The following CBX2 variants were observed in gnomAD, a reference collection of about 807,000 sequenced individuals.
CBX2 encodes the protein chromobox 2.
In CBX2, 11 loss-of-function variants were observed where a neutral mutation model predicts 21.0. The observed-to-expected ratio is 0.52, with a 90% CI of 0.33 to 0.87. CBX2 has a LOEUF of 0.87. Ranked by LOEUF, CBX2 falls within the 40% of genes least tolerant of loss-of-function variation. CBX2 has a pLI of 0.02. For synonymous variants in CBX2, 364 were observed against 304.6 expected, an observed-to-expected ratio of 1.19 and a Z score of -2.03; for missense variants, 746 against 724.3, an observed-to-expected ratio of 1.03 and a Z score of -0.34.
rs1252110447 is a variant in CBX2 at position 79,787,967 on chromosome 17, A to G, written c.*2925A>G. The G allele has an allele frequency of 6.6e-6, 1 of 152,248 alleles. No homozygotes were observed. Among genetic ancestry groups the G allele is most frequent in the South Asian group, 2.1e-4 (1 of 4,832 alleles). The allele number at this position is 152,248 out of a possible 1,614,324, so 9.4% of individuals were successfully genotyped here. On this transcript the variant is annotated 3_prime_UTR_variant, in exon 5 of 5. Transcript: ENST00000310942. ...TTTTTAATTAAAAAAAAAATCATTC[A>G]TGTATGCCACTTCTAATTGCTTTCA...
rs542158258 is a variant in CBX2, at chr17:79,784,997, G to A, written c.1554G>A (p.Lys518=). 2.2e-5 allele frequency: 35 copies of A among 1,604,916 alleles called. No homozygotes were observed. The East Asian group carries it at 7.1e-4, about 33-fold the overall frequency. ...VTANLITVTV[K]ESPTSVGFFN... ...CCAACCTCATCACCGTCACAGTGAA[G>A]GAGTCTCCCACCAGCGTGGGCTTCT... The change falls in exon 5 of 5, where the codon AAG becomes AAA. Residue 518 remains lysine, a synonymous_variant. Transcript: ENST00000310942. The surrounding 1 kb of genome is among the most constrained non-coding windows in gnomAD (Gnocchi z 5.9).
chr17:79,778,974 C>G lies in CBX2; in HGVS notation c.117-388C>G, dbSNP rs1555829664. 6.6e-6 allele frequency among the ~76,000 whole-genome samples: 1 copy of G among 152,142 alleles called. No individual in the cohort carries two copies. ...ATTGTTCTGGATCTCGGGCTGGGCGCCTGTGCCCCTCCCTGCATGCTGGAC... is the reference window on the plus strand; with the variant it reads ...ATTGTTCTGGATCTCGGGCTGGGCGGCTGTGCCCCTCCCTGCATGCTGGAC... On this transcript the variant is annotated intron_variant, in intron 2 of 4. Transcript: ENST00000310942. This position sits in a 1 kb window ranked among gnomAD's most constrained non-coding sequence, Gnocchi z 4.8.
chr17:79,781,858 G>C, intron 4 of CBX2, 57 bp downstream of exon 4: 1 of 1,614,140 alleles, frequency 6.2e-7, no homozygotes, highest in South Asian at 1.1e-5. Context: ...TTGGCGTAGG[G>C]GGCAGGCAGA....
At chr17:79,779,097 G>T (rs1906964176) in intron 2 of CBX2, among the ~76,000 whole-genome samples, 1 of 152,254 alleles carries the variant, frequency 6.6e-6, no homozygotes, top group Non-Finnish European at 1.5e-5. Flanking sequence ...CCCAGGCAGA[G>T]ACTGTGGGAG....
chr17:79,778,096 GGCGCGGAGCGGCGGTGCGCGT>G (rs1338860437), upstream of CBX2: 5 of 192,614 alleles, frequency 2.6e-5, no homozygotes, highest in Non-Finnish European at 4.6e-5. The surrounding 1 kb of genome is among the most constrained non-coding windows in gnomAD (Gnocchi z 4.8). Flanking sequence ...CCGGGGCGCG[GGCGCGGAGCGGCGGTGCGCGT>G]GCGCGGGGCG....
At position 79,785,287 on chromosome 17, in the gene CBX2, C is replaced by T. The variant is rs1907558222; in HGVS notation, c.*245C>T. On this transcript the variant is annotated 3_prime_UTR_variant, in exon 5 of 5. Coordinates refer to ENST00000310942, the MANE Select transcript of CBX2 (RefSeq NM_005189.3). ...GTTCCTACCTCTGCAGGCCTCTTTG[C>T]TCTCCCCTCTTGCCTCAGGAAACCC... The T allele has an allele frequency of 1.7e-4, 98 of 578,734 alleles. 4 individuals are homozygous for T. In the South Asian group the frequency reaches 1.8e-3, roughly 10 times the overall value. The allele number at this position is 578,734 out of a possible 1,614,324, so 35.8% of individuals were successfully genotyped here.
rs1415426260 is a variant in CBX2 at position 79,778,658 on chromosome 17, G to T, written c.116+231G>T. Among the ~76,000 whole-genome samples, 1 of 151,588 alleles carries T rather than the reference G, an allele frequency of 6.6e-6. No individual in the cohort carries two copies. The highest frequency in any genetic ancestry group is 1.5e-5 in the Non-Finnish European group (1 of 67,796). The stretch of plus-strand genomic sequence containing the variant: ...CAGAGCTGGGCGGCCCCCCGCGCCA[G>T]AACCTCCTCGGCTGCCGCGCCGCGC... On this transcript the variant is annotated intron_variant, in intron 2 of 4. Transcript: ENST00000310942. This position sits in a 1 kb window ranked among gnomAD's most constrained non-coding sequence, Gnocchi z 4.8.
rs1555829444 is a variant in CBX2 at position 79,778,390 on chromosome 17, C to T, written c.79C>T (p.Leu27=). 1.3e-6 allele frequency: 2 copies of T among 1,579,242 alleles called. No homozygotes were observed. The highest frequency in any genetic ancestry group is 1.7e-6 in the Non-Finnish European group (2 of 1,168,096). ...ILSKRLRKGK[L]EYLVKWRGWS... is the part of the protein sequence containing the mutation. ...CCCTCTTCTCTCCCCGCAGGGCAAG[C>T]TGGAGTACCTGGTCAAGTGGCGCGG... Residue 27 remains leucine, a synonymous_variant, in exon 2 of 5, where the codon CTG becomes TTG. Transcript: ENST00000310942. The surrounding 1 kb of genome is among the most constrained non-coding windows in gnomAD (Gnocchi z 4.8).
intron 4 of CBX2, among the ~76,000 whole-genome samples, chr17:79,783,412 T>A (rs1299077688): frequency 6.9e-5 from 7 of 100,942 alleles, no homozygotes; most frequent in African/African-American, 3.7e-4. Flanking sequence ...TCCTTTATCT[T>A]TTTTTTTTTT....
rs1555830254 is a variant in CBX2 at position 79,781,680 on chromosome 17, A to G, written c.183-16A>G. 1.2e-6 allele frequency: 2 copies of G among 1,604,050 alleles called. No homozygotes were observed. The highest frequency in any genetic ancestry group is 1.7e-5 in the Admixed American group (1 of 60,010). Reference sequence around the variant, plus strand: ...GCACAGGGCTTCTCCCCCATTAACTAGTGGTGTGCCTTCAGGGAACATGAG... The same window carrying G: ...GCACAGGGCTTCTCCCCCATTAACTGGTGGTGTGCCTTCAGGGAACATGAG... On this transcript the variant is annotated splice_polypyrimidine_tract_variant and intron_variant, in intron 3 of 4. Transcript: ENST00000310942.
chr17:79,780,270 T>A (rs1907076494), intron 3 of CBX2, among the ~76,000 whole-genome samples: 1 of 152,268 alleles, frequency 6.6e-6, no homozygotes, highest in Non-Finnish European at 1.5e-5. Flanking sequence ...AGGGTCAATC[T>A]GGACGGTTTG....
intron 2 of CBX2, among the ~76,000 whole-genome samples, chr17:79,779,074 GGTTT>G: frequency 6.6e-6 from 1 of 152,330 alleles, no homozygotes; most frequent in South Asian, 2.1e-4. Context: ...GTTTTATGGG[GGTTT>G]GTTTTTCTCC....
intron 3 of CBX2, among the ~76,000 whole-genome samples, chr17:79,781,061 C>T (rs564566755): frequency 2.1e-4 from 32 of 149,264 alleles, no homozygotes; most frequent in Non-Finnish European, 3.1e-4. Context: ...CTTCTGGGGG[C>T]GGGGGGGGTA....
upstream of CBX2, among the ~76,000 whole-genome samples, chr17:79,777,945 G>T (rs868977237): frequency 4.2e-4 from 57 of 137,180 alleles, no homozygotes; most frequent in Middle Eastern, 3.8e-3. Flanking sequence ...GCCCCCGCCC[G>T]GGGCCCCGCG....
At position 79,783,819 on chromosome 17, in the gene CBX2, A is replaced by T; in HGVS notation, c.376A>T (p.Ser126Cys). The T allele has an allele frequency of 6.2e-7, 1 of 1,603,618 alleles. No homozygotes were observed. Among genetic ancestry groups the T allele is most frequent in the South Asian group, 1.1e-5 (1 of 89,822 alleles). Residue 126 changes from serine to cysteine, a missense_variant, in exon 5 of 5, where the codon AGT (serine) becomes TGT (cysteine). By Grantham distance (112) the Ser-to-Cys change is moderately radical. This residue lies in a region of CBX2 where 701 missense variants were observed against 650.7 expected (regional missense o/e 1.08). Coordinates refer to ENST00000310942, the MANE Select transcript of CBX2 (RefSeq NM_005189.3). ...SSSSSDEEDD[S>C]DLDAKRGPRG... is the part of the protein sequence containing the mutation. Reference sequence around the variant, plus strand: ...CTCTTCCTCAGATGAAGAGGATGACAGTGACTTAGATGCTAAGAGGGGTCC... The same window carrying T: ...CTCTTCCTCAGATGAAGAGGATGACTGTGACTTAGATGCTAAGAGGGGTCC...
chr17:79,784,421 C>T lies in CBX2; in HGVS notation c.978C>T (p.Gly326=), dbSNP rs782469907. 4.3e-6 allele frequency: 7 copies of T among 1,611,140 alleles called. No homozygotes were observed. In the East Asian group the frequency reaches 1.1e-4, roughly 26 times the overall value. Residue 326 remains glycine (G), a synonymous_variant, in exon 5 of 5, where the codon GGC becomes GGT. Transcript: ENST00000310942. The surrounding 1 kb of genome is among the most constrained non-coding windows in gnomAD (Gnocchi z 5.9). ...AGCAGAAAGTGGGGAACACAGGGGG[C>T]CCCCCGCACACCCATGGTGCCAGCA... ...AVEQKVGNTG[G]PPHTHGASRV...
Position 79,781,758 on chromosome 17 carries a change from A to G in CBX2, c.245A>G (p.Lys82Arg). The change falls in exon 4 of 5, where the codon AAG becomes AGG. Residue 82 changes from lysine (K) to arginine (R), a missense_variant. Around this residue, in one of 2 missense-constraint regions of CBX2, gnomAD observed 701 missense variants for 650.7 expected, o/e 1.08. Coordinates refer to ENST00000310942, the MANE Select transcript of CBX2 (RefSeq NM_005189.3). ...AAGAGGCCGAGAGGCCGGCCAAGGAAGCTCACTGCCATGTCCTCCTGCAGC... is the reference window on the plus strand; with the variant it reads ...AAGAGGCCGAGAGGCCGGCCAAGGAGGCTCACTGCCATGTCCTCCTGCAGC... The part of the protein sequence containing the change: ...RGKRPRGRPR[K>R]LTAMSSCSRR... The G allele has an allele frequency of 6.2e-7, 1 of 1,614,122 alleles. No individual in the cohort carries two copies. The highest frequency in any genetic ancestry group is 8.5e-7 in the Non-Finnish European group (1 of 1,180,034).
chr17:79,779,492 G>C, intron 3 of CBX2, 65 bp downstream of exon 3: 1 of 1,469,620 alleles, frequency 6.8e-7, no homozygotes, highest in African/African-American at 1.4e-5. Flanking sequence ...GAGTCGTGCT[G>C]GGCGCTGCTC....
rs192165105 is a variant in CBX2, at chr17:79,784,835, T to A, written c.1392T>A (p.Ser464Arg). ...CAGAGATGAGCGCAGGTGAGGAGAG[T>A]AGCAGCTCGGACTCCGACCCCGACT... is the stretch of plus-strand genomic sequence containing the variant. ...TLPEMSAGEESSSSDSDPDSA... is the reference protein window; with the variant it reads ...TLPEMSAGEERSSSDSDPDSA... The change falls in exon 5 of 5, where the codon AGT (serine) becomes AGA (arginine). Residue 464 changes from serine (S) to arginine (R), a missense_variant. Ser to Arg is a moderately radical substitution (Grantham distance 110, BLOSUM62 -1). Coordinates refer to ENST00000310942, the MANE Select transcript of CBX2 (RefSeq NM_005189.3). The surrounding 1 kb of genome is among the most constrained non-coding windows in gnomAD (Gnocchi z 5.9). The A allele has an allele frequency of 6.2e-7, 1 of 1,611,696 alleles. No homozygotes were observed. The highest frequency in any genetic ancestry group is 8.5e-7 in the Non-Finnish European group (1 of 1,179,456).
Sources: allele counts gnomAD v4.1 joint callset (sites outside exome capture counted in the v4.1 genomes callset), GRCh38; gene constraint gnomAD v4.1.1; regional missense constraint gnomAD v4.1.1; non-coding constraint Gnocchi (gnomAD v3.1); transcripts MANE v1.5; gene names NCBI Gene and HGNC (gene_info 2026-07-23, HGNC 2026-07-21).